EPHB1: variants seen among roughly 807,000 people sequenced by gnomAD.
EPHB1 encodes EPH receptor B1, also known as ephrin type-B receptor 1.
A neutral mutation model predicts 94.4 loss-of-function variants in EPHB1; 30 were observed. That is an observed-to-expected ratio of 0.32 (90% CI 0.24 to 0.43). The LOEUF (loss-of-function observed/expected upper bound fraction) is 0.43. Among genes scored for constraint, EPHB1 ranks in the 20% least tolerant of loss-of-function variants. The pLI is 1.00. For missense variants in EPHB1, 1,055 were observed against 1,308.3 expected (o/e 0.81, Z 2.99); for synonymous variants, 522 against 489.1 (o/e 1.07, Z -0.89).
At chr3:134,904,272 T>G (rs1464539229) in intron 1 of EPHB1, among the ~76,000 whole-genome samples, 1 of 152,260 alleles carries the variant, frequency 6.6e-6, no homozygotes, top group Middle Eastern at 3.2e-3. Flanking sequence ...TTTCTTGGTT[T>G]AACTCCCACA....
At chr3:135,022,191 C>T (rs1187200874) in intron 3 of EPHB1, among the ~76,000 whole-genome samples, 3 of 152,066 alleles carry the variant, frequency 2.0e-5, no homozygotes, top group Admixed American at 6.5e-5. Context: ...AGGATGGTCT[C>T]GATCTCCTGA....
chr3:134,875,160 G>C (rs926296327), intron 1 of EPHB1, among the ~76,000 whole-genome samples: 4 of 152,204 alleles, frequency 2.6e-5, no homozygotes, highest in African/African-American at 9.7e-5. Context: ...GCCCTGACTT[G>C]TTGTGCACGG....
rs2035801411 is a variant in EPHB1 at position 134,795,436 on chromosome 3, C to T, written c.-196C>T. The T allele has an allele frequency of 7.0e-6, 4 of 574,196 alleles. No homozygotes were observed. The highest frequency in any genetic ancestry group is 2.0e-5 in the African/African-American group (1 of 49,692). 35.6% of individuals were successfully genotyped at this position (574,196 alleles called of 1,614,324 possible). A position where few individuals can be genotyped will look rare whatever the true frequency, so the allele number is the denominator to read the frequency against. ...ACACACACACATGCACACCCACACCCACGCGCGCCCGCACCGCCCCACGCG... is the reference window on the plus strand; with the variant it reads ...ACACACACACATGCACACCCACACCTACGCGCGCCCGCACCGCCCCACGCG... On this transcript the variant is annotated 5_prime_UTR_variant, in exon 1 of 16. Coordinates refer to ENST00000398015, the MANE Select transcript of EPHB1 (RefSeq NM_004441.5).
chr3:135,086,527 A>G (rs926278464), intron 3 of EPHB1, among the ~76,000 whole-genome samples: 6 of 151,454 alleles, frequency 4.0e-5, no homozygotes, highest in Admixed American at 6.6e-5. Flanking sequence ...GCTGCTAAAC[A>G]TCCTTGACTC....
chr3:134,865,210 AT>A (rs1283105562), intron 1 of EPHB1, among the ~76,000 whole-genome samples: 1 of 152,088 alleles, frequency 6.6e-6, no homozygotes, highest in Non-Finnish European at 1.5e-5. Context: ...GGTATTTTCT[AT>A]TTTGTTCTCC....
At chr3:135,196,279 G>A (rs1049086067) in intron 11 of EPHB1, among the ~76,000 whole-genome samples, 1 of 152,050 alleles carries the variant, frequency 6.6e-6, no homozygotes, top group African/African-American at 2.4e-5. Flanking sequence ...CTCCCATTTT[G>A]TAGGTTGCCT....
chr3:134,891,541 A>G (rs1301508092), intron 1 of EPHB1, among the ~76,000 whole-genome samples: 1 of 152,242 alleles, frequency 6.6e-6, no homozygotes, highest in African/African-American at 2.4e-5. Context: ...AAAATCAAGA[A>G]TGGGTGTTAA....
chr3:135,250,529 T>C (rs1933031720), intron 15 of EPHB1, among the ~76,000 whole-genome samples: 1 of 152,114 alleles, frequency 6.6e-6, no homozygotes, highest in Non-Finnish European at 1.5e-5. Context: ...CTCCCATACC[T>C]TCTGATTAGT....
intron 1 of EPHB1, among the ~76,000 whole-genome samples, chr3:134,862,624 A>C (rs565732114): frequency 5.9e-5 from 9 of 152,332 alleles, no homozygotes; most frequent in Non-Finnish European, 1.3e-4. Context: ...AACAAACAGC[A>C]GCCAATACTG....
chr3:134,812,127 A>G lies in EPHB1; in HGVS notation c.58+16438A>G, dbSNP rs115628051. 6.7e-3 allele frequency among the ~76,000 whole-genome samples: 1,016 copies of G among 152,310 alleles called. 13 individuals are homozygous for G. Among genetic ancestry groups the G allele is most frequent in the African/African-American group, 0.023 (967 of 41,576 alleles). ...AGTTGGGGTCCATTTTTGGAAAAAA[A>G]ATAGGCTTTCTTGAAGCATAATTTA... is the stretch of plus-strand genomic sequence containing the variant. On this transcript the variant is annotated intron_variant, in intron 1 of 15. Coordinates refer to ENST00000398015, the MANE Select transcript of EPHB1 (RefSeq NM_004441.5).
chr3:134,960,983 A>C (rs6806959), intron 3 of EPHB1, among the ~76,000 whole-genome samples: 2 of 151,890 alleles, frequency 1.3e-5, no homozygotes, highest in African/African-American at 4.8e-5. Flanking sequence ...TGGTCCTTGG[A>C]GGCCCACTCT....
At chr3:135,064,949 T>C (rs1937562310) in intron 3 of EPHB1, among the ~76,000 whole-genome samples, 1 of 152,192 alleles carries the variant, frequency 6.6e-6, no homozygotes, top group Non-Finnish European at 1.5e-5. Context: ...TCTATCTTGA[T>C]TTTGTTTTTG....
intron 3 of EPHB1, among the ~76,000 whole-genome samples, chr3:135,102,394 C>T (rs1235449504): frequency 1.3e-5 from 2 of 152,136 alleles, no homozygotes; most frequent in Non-Finnish European, 2.9e-5. Flanking sequence ...CTTTATTTAT[C>T]AACCCAAGTT....
intron 5 of EPHB1, among the ~76,000 whole-genome samples, chr3:135,150,473 G>A (rs1349217966): frequency 6.6e-6 from 1 of 152,250 alleles, no homozygotes; most frequent in Non-Finnish European, 1.5e-5. Flanking sequence ...TGTTGGGAAA[G>A]ATGATCACAG....
At chr3:135,178,458 C>CA (rs57207495) in intron 9 of EPHB1, among the ~76,000 whole-genome samples, 1,984 of 98,684 alleles carry the variant, frequency 0.02, 39 homozygotes, top group African/African-American at 0.051. Context: ...AAGACTGTCT[C>CA]AAAAAAAAAA....
intron 1 of EPHB1, among the ~76,000 whole-genome samples, chr3:134,919,958 A>G (rs1226154996): frequency 2.0e-5 from 3 of 152,060 alleles, no homozygotes; most frequent in African/African-American, 7.2e-5. Context: ...GGGGAAAAGA[A>G]GGAGGAAGTT....
At chr3:135,215,422 C>CA (rs1559877902) in intron 12 of EPHB1, among the ~76,000 whole-genome samples, 1 of 152,198 alleles carries the variant, frequency 6.6e-6, no homozygotes, top group Admixed American at 6.5e-5. Flanking sequence ...CTTAGCCTCC[C>CA]AAGCTGCTGG....
At chr3:134,985,278 C>T (rs1038641096) in intron 3 of EPHB1, among the ~76,000 whole-genome samples, 6 of 152,072 alleles carry the variant, frequency 3.9e-5, no homozygotes, top group Non-Finnish European at 4.4e-5. Context: ...CTCAGCCTCC[C>T]GAGTAGAGTA....
intron 12 of EPHB1, among the ~76,000 whole-genome samples, chr3:135,226,134 T>C (rs1472494990): frequency 1.3e-5 from 2 of 152,196 alleles, no homozygotes; most frequent in African/African-American, 4.8e-5. Flanking sequence ...GCCTCAAGAA[T>C]GAGGATTGGG....
Sources: gnomAD v4.1 joint callset for allele counts (sites outside exome capture counted in the v4.1 genomes callset) on GRCh38, gnomAD v4.1.1 for gene constraint, MANE v1.5 for transcripts, NCBI Gene and HGNC (gene_info 2026-07-23, HGNC 2026-07-21) for gene names.